Variants in TENM2 observed in about 807,000 individuals in gnomAD.
TENM2 encodes the protein teneurin-2.
In TENM2, 52 loss-of-function variants were observed where a neutral mutation model predicts 245.2. The observed-to-expected ratio is 0.21, with a 90% CI of 0.17 to 0.27. TENM2 has a LOEUF of 0.27. Ranked by LOEUF, TENM2 falls within the 10% of genes least tolerant of loss-of-function variation. The pLI, the probability that TENM2 is intolerant of heterozygous loss-of-function variation, is 1.00. For missense variants in TENM2, 3,046 were observed against 3,666.8 expected (o/e 0.83, Z 4.37); for synonymous variants, 1,363 against 1,438.9 (o/e 0.95, Z 1.19).
chr5:167,306,498 AAAC>A (rs1042652937), intron 1 of TENM2: 4 of 152,096 alleles, frequency 2.6e-5, no homozygotes, highest in East Asian at 1.9e-4. Context: ...TTAAAAAAAA[AAAC>A]AACAACTAGA....
intron 27 of TENM2, among the ~76,000 whole-genome samples, chr5:168,248,882 G>A (rs983185632): frequency 2.0e-5 from 3 of 152,212 alleles, no homozygotes; most frequent in East Asian, 1.9e-4. Flanking sequence ...ACTTTGAGAG[G>A]CTGAGGCAGA....
chr5:167,675,893 C>T (rs1036157534), intron 2 of TENM2, among the ~76,000 whole-genome samples: 1 of 152,020 alleles, frequency 6.6e-6, no homozygotes, highest in African/African-American at 2.4e-5. Flanking sequence ...CTCCATTTTC[C>T]CATGTTATCC....
At chr5:167,542,717 A>G (rs897089430) in intron 2 of TENM2, among the ~76,000 whole-genome samples, 1 of 152,082 alleles carries the variant, frequency 6.6e-6, no homozygotes, top group African/African-American at 2.4e-5. Flanking sequence ...TTTGCCAACC[A>G]TTGTATTTTC....
intron 3 of TENM2, among the ~76,000 whole-genome samples, chr5:167,931,144 C>A (rs1011444129): frequency 6.6e-6 from 1 of 152,320 alleles, no homozygotes; most frequent in African/African-American, 2.4e-5. Context: ...AGATTGTCAA[C>A]AGCAAGAGGA....
chr5:167,354,978 A>G (rs1378436312), intron 1 of TENM2, among the ~76,000 whole-genome samples: 1 of 152,220 alleles, frequency 6.6e-6, no homozygotes, highest in East Asian at 1.9e-4. Context: ...CCTCTCCCCT[A>G]CGCTACCCCT....
chr5:167,238,731 A>C, the TENM2 span, among the ~76,000 whole-genome samples: 1 of 151,960 alleles, frequency 6.6e-6, no homozygotes, highest in African/African-American at 2.4e-5. Context: ...AAATAGTAAG[A>C]AATGGAACTT....
the TENM2 span, among the ~76,000 whole-genome samples, chr5:167,049,832 T>G: frequency 6.6e-6 from 1 of 152,186 alleles, no homozygotes; most frequent in African/African-American, 2.4e-5. Flanking sequence ...AGATATATTT[T>G]TTTTCAGTCT....
At chr5:167,527,958 TGGTGGGAAA>T (rs1771233823) in intron 2 of TENM2, among the ~76,000 whole-genome samples, 1 of 152,122 alleles carries the variant, frequency 6.6e-6, no homozygotes, top group African/African-American at 2.4e-5. Context: ...TTCCATCCTC[TGGTGGGAAA>T]GGAGGGGAAT....
intron 2 of TENM2, among the ~76,000 whole-genome samples, chr5:167,637,802 G>A (rs1039016790): frequency 3.9e-5 from 6 of 152,104 alleles, no homozygotes; most frequent in Middle Eastern, 3.4e-3. Flanking sequence ...ATCACACACC[G>A]GGGCCTATTG....
At chr5:167,699,641 G>A (rs1179971330) in intron 2 of TENM2, among the ~76,000 whole-genome samples, 1 of 152,190 alleles carries the variant, frequency 6.6e-6, no homozygotes, top group East Asian at 1.9e-4. Flanking sequence ...TCTGAACCCT[G>A]CTGAGTTTAT....
intron 2 of TENM2, among the ~76,000 whole-genome samples, chr5:167,774,943 G>A (rs1289342149): frequency 6.6e-6 from 1 of 152,070 alleles, no homozygotes; most frequent in Non-Finnish European, 1.5e-5. Flanking sequence ...GTATGCACTG[G>A]GGCTTATTTG....
At chr5:167,016,277 C>CAAA in the TENM2 span, among the ~76,000 whole-genome samples, 5 of 82,206 alleles carry the variant, frequency 6.1e-5, no homozygotes, top group Admixed American at 1.5e-4. Flanking sequence ...AACAAACAAA[C>CAAA]AAACAAAAAA....
chr5:168,152,799 T>A (rs1028060925), intron 12 of TENM2, among the ~76,000 whole-genome samples: 5 of 152,168 alleles, frequency 3.3e-5, no homozygotes, highest in African/African-American at 1.2e-4. Context: ...GTCTGCCTCT[T>A]TCAGTCCAGA....
intron 2 of TENM2, among the ~76,000 whole-genome samples, chr5:167,555,714 C>T (rs1773221748): frequency 1.3e-5 from 2 of 152,090 alleles, no homozygotes; most frequent in Non-Finnish European, 2.9e-5. Context: ...ATAAATCCCT[C>T]CCTGACATGT....
chr5:167,157,878 T>A, the TENM2 span, among the ~76,000 whole-genome samples: 1 of 152,186 alleles, frequency 6.6e-6, no homozygotes, highest in Non-Finnish European at 1.5e-5. Flanking sequence ...TTAATTGAGC[T>A]CTGTAATGAA....
intron 2 of TENM2, among the ~76,000 whole-genome samples, chr5:167,387,303 G>T (rs2127352732): frequency 6.6e-6 from 1 of 152,068 alleles, no homozygotes; most frequent in South Asian, 2.1e-4. Flanking sequence ...TTGAATTCTT[G>T]ATTTGATTCT....
At chr5:167,333,703 A>G (rs1696879839) in intron 1 of TENM2, among the ~76,000 whole-genome samples, 1 of 152,078 alleles carries the variant, frequency 6.6e-6, no homozygotes, top group Admixed American at 6.5e-5. Context: ...CCTTTGCTCC[A>G]GGGGGAAGGA....
intron 2 of TENM2, among the ~76,000 whole-genome samples, chr5:167,745,633 T>G (rs1355641253): frequency 6.6e-6 from 1 of 152,204 alleles, no homozygotes; most frequent in East Asian, 1.9e-4. Context: ...TTAGAATATT[T>G]TCATCATCCA....
At chr5:167,193,131 A>C in the TENM2 span, among the ~76,000 whole-genome samples, 2 of 151,966 alleles carry the variant, frequency 1.3e-5, no homozygotes, top group African/African-American at 4.8e-5. Context: ...AGTGTGGAAA[A>C]CGTTTAATAT....
Sources: gnomAD v4.1 joint callset for allele counts (sites outside exome capture counted in the v4.1 genomes callset) on GRCh38, gnomAD v4.1.1 for gene constraint, MANE v1.5 for transcripts, NCBI Gene and HGNC (gene_info 2026-07-23, HGNC 2026-07-21) for gene names.